The following ST6GALNAC3 variants were observed in gnomAD, a reference collection of about 807,000 sequenced individuals.
ST6GALNAC3 encodes the protein ST6 N-acetylgalactosaminide alpha-2,6-sialyltransferase 3.
Under a neutral mutation model 32.7 loss-of-function variants are expected in ST6GALNAC3, and 25 were observed. The observed-to-expected ratio is 0.76, with a 90% CI of 0.56 to 1.07. The LOEUF (loss-of-function observed/expected upper bound fraction) is 1.07, where lower values mean the gene tolerates loss of function less well. ST6GALNAC3 is among the 50% of genes least tolerant of loss of function. The pLI, the probability that ST6GALNAC3 is intolerant of heterozygous loss-of-function variation, is 0.00. For missense variants in ST6GALNAC3, 355 were observed against 382.4 expected (o/e 0.93, Z 0.60); for synonymous variants, 129 against 133.1 (o/e 0.97, Z 0.21).
chr1:76,308,408 T>A (rs1661197345), intron 1 of ST6GALNAC3, among the ~76,000 whole-genome samples: 1 of 152,198 alleles, frequency 6.6e-6, no homozygotes, highest in Non-Finnish European at 1.5e-5. Flanking sequence ...ATATGCCATT[T>A]TTTTGCAGTA....
intron 1 of ST6GALNAC3, among the ~76,000 whole-genome samples, chr1:76,257,209 T>C (rs891765936): frequency 6.6e-6 from 1 of 152,198 alleles, no homozygotes; most frequent in African/African-American, 2.4e-5. Flanking sequence ...TTAATACCTA[T>C]ACAACATGAA....
intron 3 of ST6GALNAC3, among the ~76,000 whole-genome samples, chr1:76,560,244 A>G (rs549631720): frequency 6.6e-6 from 1 of 152,280 alleles, no homozygotes; most frequent in Non-Finnish European, 1.5e-5. Context: ...TACAGGAAAC[A>G]TTGGAGAAAC....
At chr1:76,529,953 C>T (rs1273724523) in intron 3 of ST6GALNAC3, among the ~76,000 whole-genome samples, 1 of 152,184 alleles carries the variant, frequency 6.6e-6, no homozygotes, top group Non-Finnish European at 1.5e-5. Context: ...TAAATATTAA[C>T]TATTATCATT....
intron 3 of ST6GALNAC3, among the ~76,000 whole-genome samples, chr1:76,448,792 C>T (rs1657173234): frequency 6.6e-6 from 1 of 152,094 alleles, no homozygotes; most frequent in South Asian, 2.1e-4. Flanking sequence ...CCATGTGGAA[C>T]TCTAAGTTCA....
At chr1:76,439,729 G>A (rs1656409716) in intron 3 of ST6GALNAC3, among the ~76,000 whole-genome samples, 1 of 152,182 alleles carries the variant, frequency 6.6e-6, no homozygotes, top group South Asian at 2.1e-4. Context: ...ACAGTGCTGG[G>A]CAGTGAGGAC....
At chr1:76,522,972 G>A (rs1202854266) in intron 3 of ST6GALNAC3, among the ~76,000 whole-genome samples, 1 of 152,104 alleles carries the variant, frequency 6.6e-6, no homozygotes. Context: ...AACTTCTTGT[G>A]CGCAACCATT....
At chr1:76,392,836 T>C (rs1307160281) in intron 2 of ST6GALNAC3, among the ~76,000 whole-genome samples, 1 of 152,232 alleles carries the variant, frequency 6.6e-6, no homozygotes, top group Non-Finnish European at 1.5e-5. Context: ...TGCATTTAAC[T>C]TGCAACTGGA....
intron 1 of ST6GALNAC3, among the ~76,000 whole-genome samples, chr1:76,262,354 G>C (rs1178472497): frequency 6.6e-6 from 1 of 151,540 alleles, no homozygotes; most frequent in African/African-American, 2.4e-5. Flanking sequence ...GCAGGCTGTG[G>C]TGACTATGTA....
At chr1:76,192,939 C>T (rs1484075548) in intron 1 of ST6GALNAC3, among the ~76,000 whole-genome samples, 1 of 152,042 alleles carries the variant, frequency 6.6e-6, no homozygotes, top group East Asian at 1.9e-4. Context: ...GCTTTTTTGC[C>T]CAGAAAGGTC....
intron 2 of ST6GALNAC3, among the ~76,000 whole-genome samples, chr1:76,400,065 G>T (rs147455260): frequency 6.6e-6 from 1 of 151,640 alleles, no homozygotes. Flanking sequence ...AAATAGCAGC[G>T]GGGATAGTGG....
intron 1 of ST6GALNAC3, among the ~76,000 whole-genome samples, chr1:76,146,615 T>C (rs940145529): frequency 9.2e-5 from 14 of 152,200 alleles, no homozygotes; most frequent in Non-Finnish European, 1.5e-4. Context: ...TTTCCCAATT[T>C]GTAGGATTTT....
chr1:76,535,561 T>C (rs1435803820), intron 3 of ST6GALNAC3, among the ~76,000 whole-genome samples: 2 of 152,202 alleles, frequency 1.3e-5, no homozygotes, highest in Non-Finnish European at 2.9e-5. Flanking sequence ...TCCTGAGTTC[T>C]ATATTTGCAA....
chr1:76,569,783 G>A (rs1319504416), intron 3 of ST6GALNAC3, among the ~76,000 whole-genome samples: 1 of 151,994 alleles, frequency 6.6e-6, no homozygotes, highest in African/African-American at 2.4e-5. Flanking sequence ...TGAGTAATTG[G>A]GTGCTGCAGG....
At chr1:76,496,537 C>G (rs1660858508) in intron 3 of ST6GALNAC3, among the ~76,000 whole-genome samples, 1 of 152,126 alleles carries the variant, frequency 6.6e-6, no homozygotes, top group African/African-American at 2.4e-5. Context: ...GCACTTGGAG[C>G]CATCCTGGAC....
chr1:76,293,353 C>G (rs571385836), intron 1 of ST6GALNAC3, among the ~76,000 whole-genome samples: 1 of 152,286 alleles, frequency 6.6e-6, no homozygotes, highest in African/African-American at 2.4e-5. Flanking sequence ...CATCAGGGTC[C>G]TCATCTCTCC....
intron 3 of ST6GALNAC3, among the ~76,000 whole-genome samples, chr1:76,588,606 A>G (rs997500376): frequency 6.6e-6 from 1 of 152,206 alleles, no homozygotes; most frequent in African/African-American, 2.4e-5. Flanking sequence ...AATCACAGGA[A>G]ACACCATTTG....
rs570028975 is a variant in ST6GALNAC3 at position 76,350,491 on chromosome 1, A to G, written c.213+36492A>G. ...TAATATTAAGAAAAAGAACATGAAAATGTCTTTTGAATGACACATTTTAAA... is the reference window on the plus strand; with the variant it reads ...TAATATTAAGAAAAAGAACATGAAAGTGTCTTTTGAATGACACATTTTAAA... On this transcript the variant is annotated intron_variant, in intron 2 of 4. Transcript: ENST00000328299. 1.5e-4 allele frequency among the ~76,000 whole-genome samples: 23 copies of G among 152,334 alleles called. No individual in the cohort carries two copies. In the South Asian group the frequency reaches 4.8e-3, roughly 32 times the overall value.
chr1:76,412,889 A>G (rs939030187), intron 3 of ST6GALNAC3: 3 of 237,350 alleles, frequency 1.3e-5, no homozygotes, highest in African/African-American at 7.1e-5. Flanking sequence ...GCATGCAAAT[A>G]GGCACTGTGA....
chr1:76,370,538 C>T (rs182961075), intron 2 of ST6GALNAC3, among the ~76,000 whole-genome samples: 1 of 152,168 alleles, frequency 6.6e-6, no homozygotes, highest in East Asian at 1.9e-4. Context: ...TAGGCATTAA[C>T]ATATTTTTGT....
Sources: allele counts gnomAD v4.1 joint callset (sites outside exome capture counted in the v4.1 genomes callset), GRCh38; gene constraint gnomAD v4.1.1; transcripts MANE v1.5; gene names NCBI Gene and HGNC (gene_info 2026-07-23, HGNC 2026-07-21).